Variants in KCNJ12 observed in about 807,000 individuals in gnomAD.
KCNJ12 encodes potassium inwardly rectifying channel subfamily J member 12.
In KCNJ12, 2 loss-of-function variants were observed where a neutral mutation model predicts 22.3. The observed-to-expected ratio is 0.09, with a 90% CI of 0.04 to 0.28. KCNJ12 has a LOEUF of 0.28. Ranked by LOEUF, KCNJ12 falls within the 10% of genes least tolerant of loss-of-function variation. The pLI is 1.00. For missense variants in KCNJ12, 155 were observed against 633.3 expected (o/e 0.24, Z 8.11); for synonymous variants, 117 against 261.4 (o/e 0.45, Z 5.33).
At chr17:21,399,378 T>C (rs1416114603) in intron 1 of KCNJ12, among the ~76,000 whole-genome samples, 1 of 152,212 alleles carries the variant, frequency 6.6e-6, no homozygotes, top group South Asian at 2.1e-4. Flanking sequence ...GCTCCAGGCA[T>C]GAGAAAGCAT....
chr17:21,395,678 C>T (rs1374194000), intron 1 of KCNJ12, among the ~76,000 whole-genome samples: 4 of 151,364 alleles, frequency 2.6e-5, no homozygotes, highest in Non-Finnish European at 2.9e-5. Context: ...AAGCATGGCT[C>T]TAAGCTCTTT....
chr17:21,384,168 G>A (rs1379185352), intron 1 of KCNJ12, among the ~76,000 whole-genome samples: 3 of 152,144 alleles, frequency 2.0e-5, no homozygotes, highest in African/African-American at 7.2e-5. Context: ...TTGCATACAT[G>A]TCATGGCGTC....
At chr17:21,407,178 A>G (rs1365709924) in intron 1 of KCNJ12, among the ~76,000 whole-genome samples, 95 of 152,340 alleles carry the variant, frequency 6.2e-4, no homozygotes, top group Middle Eastern at 3.4e-3. Context: ...CCATCCACCC[A>G]TCCATCTATC....
chr17:21,405,421 A>G (rs1905872264), intron 1 of KCNJ12: 1 of 151,942 alleles, frequency 6.6e-6, no homozygotes, highest in African/African-American at 2.4e-5. Flanking sequence ...GACAGCTGCC[A>G]CCTCCCAGAG....
At position 21,415,368 on chromosome 17, in the gene KCNJ12, C is replaced by T. The variant is rs781837859; in HGVS notation, c.26C>T (p.Pro9Leu). 4 of 1,611,244 alleles carry T rather than the reference C, an allele frequency of 2.5e-6. No individual in the cohort carries two copies. Among genetic ancestry groups the T allele is most frequent in the Non-Finnish European group, 3.4e-6 (4 of 1,179,992 alleles). Reference sequence around the variant, plus strand: ...ATGACCGCGGCCAGCCGGGCCAACCCCTACAGCATCGTGTCATCGGAGGAG... The same window carrying T: ...ATGACCGCGGCCAGCCGGGCCAACCTCTACAGCATCGTGTCATCGGAGGAG... MTAASRAN[P>L]YSIVSSEEDG... The change falls in exon 3 of 3, where the codon CCC (proline) becomes CTC (leucine). Residue 9 changes from proline (P) to leucine (L), a missense_variant. Coordinates refer to ENST00000583088, the MANE Select transcript of KCNJ12 (RefSeq NM_021012.5).
chr17:21,396,919 G>A (rs868993988), intron 1 of KCNJ12, among the ~76,000 whole-genome samples: 2 of 152,162 alleles, frequency 1.3e-5, no homozygotes, highest in African/African-American at 2.4e-5. Context: ...GGGGGTCATC[G>A]TTCAAGGGGG....
intron 1 of KCNJ12, among the ~76,000 whole-genome samples, chr17:21,392,426 C>G (rs1251499540): frequency 6.6e-6 from 1 of 152,256 alleles, no homozygotes; most frequent in Non-Finnish European, 1.5e-5. Flanking sequence ...AGGACACGCC[C>G]CCCAACAGGG....
chr17:21,382,759 G>C (rs781793222), intron 1 of KCNJ12, among the ~76,000 whole-genome samples: 4 of 152,160 alleles, frequency 2.6e-5, no homozygotes, highest in Non-Finnish European at 5.9e-5. Context: ...CGGTTGGCCA[G>C]GTGTGCAGCC....
intron 2 of KCNJ12, among the ~76,000 whole-genome samples, chr17:21,408,881 C>T (rs1597577221): frequency 6.6e-6 from 1 of 152,400 alleles, no homozygotes; most frequent in African/African-American, 2.4e-5. Flanking sequence ...AACCATCCAT[C>T]CACCCATCCT....
intron 1 of KCNJ12, among the ~76,000 whole-genome samples, chr17:21,378,838 C>T (rs1040842525): frequency 6.6e-6 from 1 of 152,138 alleles, no homozygotes; most frequent in African/African-American, 2.4e-5. Context: ...ACTCCCCCTG[C>T]AGCTACCCCG....
Position 21,419,378 on chromosome 17 carries a change from G to T in KCNJ12, c.*2734G>T, listed in dbSNP as rs1362908158. 6.0e-6 allele frequency: 1 copy of T among 166,880 alleles called. No individual in the cohort carries two copies. The highest frequency in any genetic ancestry group is 1.5e-5 in the Non-Finnish European group (1 of 68,270). The allele number at this position is 166,880 out of a possible 1,614,324, so 10.3% of individuals were successfully genotyped here. On this transcript the variant is annotated 3_prime_UTR_variant, in exon 3 of 3. Transcript: ENST00000583088. ...TACCCCCAGGTGTTTCCGTGTACAAGTTTCCTGTGAGGGAGGGCACCCACC... is the reference window on the plus strand; with the variant it reads ...TACCCCCAGGTGTTTCCGTGTACAATTTTCCTGTGAGGGAGGGCACCCACC...
intron 1 of KCNJ12, among the ~76,000 whole-genome samples, chr17:21,377,161 G>A (rs1255995475): frequency 6.6e-6 from 1 of 152,196 alleles, no homozygotes; most frequent in African/African-American, 2.4e-5. Flanking sequence ...AAGGAACTTT[G>A]CTCCTGGCTA....
chr17:21,390,113 C>T (rs1288704882), intron 1 of KCNJ12, among the ~76,000 whole-genome samples: 1 of 152,254 alleles, frequency 6.6e-6, no homozygotes, highest in South Asian at 2.1e-4. Flanking sequence ...AGCAGGGTAA[C>T]CACCTCTTTC....
chr17:21,398,534 T>C (rs2142059848), intron 1 of KCNJ12, among the ~76,000 whole-genome samples: 1 of 152,346 alleles, frequency 6.6e-6, no homozygotes, highest in South Asian at 2.1e-4. Flanking sequence ...TGAGGCGTGT[T>C]CTATGCCCAG....
intron 1 of KCNJ12, among the ~76,000 whole-genome samples, chr17:21,390,025 T>C (rs1905170837): frequency 6.6e-6 from 1 of 152,064 alleles, no homozygotes. Context: ...CTTCTCTCTC[T>C]TTCTCGGGCC....
At chr17:21,382,518 C>T (rs782249236) in intron 1 of KCNJ12, among the ~76,000 whole-genome samples, 5 of 152,032 alleles carry the variant, frequency 3.3e-5, no homozygotes, top group Non-Finnish European at 4.4e-5. Context: ...ATGACACCCA[C>T]GTTATAAAAT....
chr17:21,407,728 TATCCAACC>T (rs1221276065), intron 1 of KCNJ12, among the ~76,000 whole-genome samples: 5 of 150,620 alleles, frequency 3.3e-5, no homozygotes, highest in Non-Finnish European at 7.4e-5. Context: ...TCCATCCATC[TATCCAACC>T]ATCCATCCAT....
intron 1 of KCNJ12, among the ~76,000 whole-genome samples, chr17:21,380,593 G>C (rs571585969): frequency 6.6e-6 from 1 of 151,988 alleles, no homozygotes; most frequent in African/African-American, 2.4e-5. Context: ...GACTTGGAGC[G>C]TGCCTCTGGG....
chr17:21,399,190 C>T (rs1905490282), intron 1 of KCNJ12, among the ~76,000 whole-genome samples: 1 of 152,212 alleles, frequency 6.6e-6, no homozygotes, highest in South Asian at 2.1e-4. Flanking sequence ...CCTTGCACCC[C>T]AGCGACTGTG....
Sources: gnomAD v4.1 joint callset for allele counts (sites outside exome capture counted in the v4.1 genomes callset) on GRCh38, gnomAD v4.1.1 for gene constraint, MANE v1.5 for transcripts, NCBI Gene and HGNC (gene_info 2026-07-23, HGNC 2026-07-21) for gene names.